The following TTC19 variants were observed in gnomAD, a reference collection of about 807,000 sequenced individuals.
The protein encoded by TTC19 is tetratricopeptide repeat protein 19, mitochondrial.
In TTC19, 38 loss-of-function variants were observed where a neutral mutation model predicts 49.5. The ratio of observed to expected loss-of-function variants is 0.77; its 90% CI spans 0.59 to 1.01. The LOEUF is 1.01. Among genes scored for constraint, TTC19 ranks in the 50% least tolerant of loss-of-function variants. The pLI, the probability that TTC19 is intolerant of heterozygous loss-of-function variation, is 0.00. For missense variants in TTC19, 475 were observed against 477.7 expected (o/e 0.99, Z 0.05); for synonymous variants, 204 against 185.2 (o/e 1.10, Z -0.83).
chr17:16,025,674 A>G (rs1187941139), intron 8 of TTC19, among the ~76,000 whole-genome samples: 1 of 152,250 alleles, frequency 6.6e-6, no homozygotes, highest in Admixed American at 6.5e-5. Context: ...AACATTAAAC[A>G]CATTGAATTG....
intron 2 of TTC19, 185 bp downstream of exon 2, chr17:16,000,430 C>CT (rs1970689109): frequency 6.9e-7 from 1 of 1,444,832 alleles, no homozygotes. Context: ...TTTTCCGACT[C>CT]TAAGGCCTGC....
chr17:16,044,872 C>G, exon 3 of TTC19: 1 of 775,396 alleles, frequency 1.3e-6, no homozygotes, highest in Non-Finnish European at 2.2e-6. Context: ...CACTCCACTG[C>G]TGCTGCTCCA....
chr17:16,016,531 T>G (rs1199200568), intron 7 of TTC19, among the ~76,000 whole-genome samples: 2 of 151,462 alleles, frequency 1.3e-5, no homozygotes, highest in Non-Finnish European at 2.9e-5. Context: ...GGGTCCTTAC[T>G]AATTTTGTCT....
intron 7 of TTC19, among the ~76,000 whole-genome samples, chr17:16,015,328 C>T (rs1971183219): frequency 6.6e-6 from 1 of 151,920 alleles, no homozygotes; most frequent in South Asian, 2.1e-4. Context: ...GTGCTAAAAA[C>T]ATAAACATTA....
chr17:16,002,189 G>GT (rs1970758782), intron 3 of TTC19, among the ~76,000 whole-genome samples, 164 bp downstream of exon 3: 1 of 152,072 alleles, frequency 6.6e-6, no homozygotes. Flanking sequence ...GTTTTGTTTT[G>GT]TTTTTTTGAG....
At position 16,028,684 on chromosome 17, in the gene TTC19, T is replaced by A; in HGVS notation, c.*1162T>A. ...TGAAGGAAGATTGACCCTGTTGGTA[T>A]GCCTGTGGGGGTGGGATGTGAGTGG... On this transcript the variant is annotated 3_prime_UTR_variant, in exon 10 of 10. Transcript: ENST00000261647. 2.2e-6 allele frequency: 1 copy of A among 453,818 alleles called. No individual in the cohort carries two copies. The highest frequency in any genetic ancestry group is 4.4e-6 in the Non-Finnish European group (1 of 226,716). 28.1% of individuals were successfully genotyped at this position (453,818 alleles called of 1,614,324 possible).
At chr17:16,040,860 C>A in intron 2 of TTC19, 2 of 205,306 alleles carry the variant, frequency 9.7e-6, no homozygotes, top group Admixed American at 5.5e-5. Context: ...TGAGACTCTC[C>A]CATCTGTTTA....
intron 7 of TTC19, among the ~76,000 whole-genome samples, chr17:16,012,612 C>T (rs545578402): frequency 6.6e-6 from 1 of 152,050 alleles, no homozygotes; most frequent in East Asian, 1.9e-4. Flanking sequence ...GATCTCGGCT[C>T]ACTGCAACCT....
intron 7 of TTC19, among the ~76,000 whole-genome samples, chr17:16,022,618 T>A (rs1167355796): frequency 6.6e-6 from 1 of 152,254 alleles, no homozygotes; most frequent in African/African-American, 2.4e-5. Flanking sequence ...TTGCTATTGT[T>A]ACAAATGCAT....
At chr17:16,036,474 C>T (rs2151902548) in intron 2 of TTC19, among the ~76,000 whole-genome samples, 1 of 152,300 alleles carries the variant, frequency 6.6e-6, no homozygotes, top group East Asian at 1.9e-4. Context: ...GAGAGTCAGC[C>T]TGTCTTTTGA....
At chr17:16,042,268 G>A (rs563867049) in intron 2 of TTC19, among the ~76,000 whole-genome samples, 5 of 151,870 alleles carry the variant, frequency 3.3e-5, no homozygotes, top group Non-Finnish European at 5.9e-5. Context: ...AAACAGCAGA[G>A]CCCTGTTATC....
chr17:16,006,799 A>G (rs1970923029), intron 7 of TTC19, among the ~76,000 whole-genome samples: 1 of 152,074 alleles, frequency 6.6e-6, no homozygotes. Context: ...TAACATGGTC[A>G]TAATTTATTT....
At position 16,040,484 on chromosome 17, in the gene TTC19, C is replaced by G. The variant is rs781131251; in HGVS notation, c.248-4019C>G. The G allele has an allele frequency of 2.5e-6, 4 of 1,613,436 alleles. No individual in the cohort carries two copies. The Admixed American group carries it at 6.7e-5, about 27-fold the overall frequency. On this transcript the variant is annotated intron_variant, in intron 2 of 2. Coordinates refer to the TTC19 transcript ENST00000470649. The stretch of plus-strand genomic sequence containing the variant: ...GCAGATTAAAGATCTCAGTTCCTGG[C>G]TGAGCAGCTGCTATATTTAAGCAAA...
At chr17:16,006,302 C>T (rs1190418914) in intron 6 of TTC19, among the ~76,000 whole-genome samples, 172 bp from the exon 7 acceptor site, 3 of 151,930 alleles carry the variant, frequency 2.0e-5, no homozygotes, top group African/African-American at 4.8e-5. Context: ...CCCAGCTATT[C>T]GAGAGGCTAA....
chr17:16,029,840 TG>T (rs1296315490), downstream of TTC19: 1 of 152,664 alleles, frequency 6.6e-6, no homozygotes, highest in East Asian at 1.9e-4. Context: ...AATACGCACA[TG>T]CATTATGATG....
chr17:16,030,292 T>A, downstream of TTC19: 1 of 224,876 alleles, frequency 4.4e-6, no homozygotes, highest in East Asian at 6.4e-5. Context: ...TTGGTCTTGC[T>A]ATCTTGGGTG....
Position 16,000,025 on chromosome 17 carries a change from G to A in TTC19, c.177G>A (p.Leu59=). The change falls in exon 1 of 10, where the codon CTG becomes CTA. Residue 59 remains leucine (L), a synonymous_variant. Transcript: ENST00000261647. ...PHGRGPGLLP[L]LAALAWFSRP... ...GCCGGGGCCCAGGCCTGCTGCCGCT[G>A]CTGGCAGGTGAGGGGCGCGGGCCGG... 1.6e-6 allele frequency: 2 copies of A among 1,242,480 alleles called. No individual in the cohort carries two copies. Among genetic ancestry groups the A allele is most frequent in the Non-Finnish European group, 2.0e-6 (2 of 995,852 alleles). The allele number at this position is 1,242,480 out of a possible 1,614,324, so 77.0% of individuals were successfully genotyped here.
chr17:16,017,468 A>AG (rs1971250248), intron 7 of TTC19, among the ~76,000 whole-genome samples: 1 of 148,620 alleles, frequency 6.7e-6, no homozygotes, highest in Non-Finnish European at 1.5e-5. Flanking sequence ...AAAAAAAAAA[A>AG]AAGTATTCAG....
At chr17:16,027,345 T>C (rs200346193) in intron 9 of TTC19, 29 bp from the exon 10 acceptor site, 78 of 1,613,094 alleles carry the variant, frequency 4.8e-5, no homozygotes, top group Non-Finnish European at 1.7e-5. Flanking sequence ...ACTTTCTTCT[T>C]ACTGTCCCTT....
Sources: allele counts gnomAD v4.1 joint callset (sites outside exome capture counted in the v4.1 genomes callset), GRCh38; gene constraint gnomAD v4.1.1; transcripts MANE v1.5; gene names NCBI Gene and HGNC (gene_info 2026-07-23, HGNC 2026-07-21).